The following CENPP variants were observed in gnomAD, a reference collection of about 807,000 sequenced individuals.
CENPP encodes the protein centromere protein P.
A neutral mutation model predicts 35.6 loss-of-function variants in CENPP; 24 were observed. The ratio of observed to expected loss-of-function variants is 0.67; its 90% CI spans 0.49 to 0.95. CENPP has a LOEUF of 0.95. Ranked by LOEUF, CENPP falls within the 40% of genes least tolerant of loss-of-function variation. The pLI, the probability that CENPP is intolerant of heterozygous loss-of-function variation, is 0.00. For missense variants in CENPP, 332 were observed against 345.3 expected (o/e 0.96, Z 0.31); for synonymous variants, 120 against 125.5 (o/e 0.96, Z 0.29).
intron 5 of CENPP, among the ~76,000 whole-genome samples, chr9:92,405,906 G>A (rs1843291005): frequency 6.6e-6 from 1 of 152,204 alleles, no homozygotes; most frequent in South Asian, 2.1e-4. Flanking sequence ...AGACACGTAA[G>A]CTCAGATAAG....
At chr9:92,503,083 C>T (rs375008684) in intron 5 of CENPP, among the ~76,000 whole-genome samples, 59 of 152,154 alleles carry the variant, frequency 3.9e-4, no homozygotes, top group African/African-American at 1.4e-3. Flanking sequence ...GCTGGAATTA[C>T]AGGAAAGTTG....
At chr9:92,488,037 C>A (rs1364034823) in intron 5 of CENPP, among the ~76,000 whole-genome samples, 3 of 152,158 alleles carry the variant, frequency 2.0e-5, no homozygotes, top group Admixed American at 1.3e-4. Flanking sequence ...GTATTCTGAG[C>A]ACATGTATCT....
intron 5 of CENPP, chr9:92,512,211 AAG>A (rs1847394109): frequency 3.8e-6 from 3 of 784,104 alleles, no homozygotes; most frequent in Non-Finnish European, 6.2e-6. Flanking sequence ...CATAGATATC[AAG>A]AGAGAGCTTT....
chr9:92,457,867 A>G (rs1446254747), intron 5 of CENPP, among the ~76,000 whole-genome samples: 1 of 152,188 alleles, frequency 6.6e-6, no homozygotes, highest in Non-Finnish European at 1.5e-5. Flanking sequence ...TTAAATATAC[A>G]TATTTATGTG....
At chr9:92,512,142 G>A (rs200699120) in intron 5 of CENPP, 1 of 1,592,202 alleles carries the variant, frequency 6.3e-7, no homozygotes, top group East Asian at 2.2e-5. Context: ...ACACACAGCG[G>A]TTATGTTTTA....
intron 5 of CENPP, chr9:92,416,904 G>A (rs1432459676): frequency 1.2e-6 from 2 of 1,613,874 alleles, no homozygotes; most frequent in Non-Finnish European, 1.7e-6. Context: ...TTACTGCAGA[G>A]GTTGAGCTGC....
intron 4 of CENPP, 139 bp from the exon 5 acceptor site, chr9:92,379,624 C>G (rs941924294): frequency 1.7e-6 from 1 of 586,120 alleles, no homozygotes; most frequent in African/African-American, 1.9e-5. Context: ...CACACACACA[C>G]AAGTGCAAGA....
At chr9:92,375,544 C>G (rs778870920) in intron 4 of CENPP, among the ~76,000 whole-genome samples, 1 of 152,132 alleles carries the variant, frequency 6.6e-6, no homozygotes, top group Non-Finnish European at 1.5e-5. Context: ...GATCCGCCCA[C>G]CTCGGCCTCC....
chr9:92,517,633 T>C (rs1333182164), intron 5 of CENPP: 2 of 1,603,012 alleles, frequency 1.2e-6, no homozygotes, highest in Admixed American at 1.7e-5. Flanking sequence ...CAAAAACAAA[T>C]GGAAGTTAAA....
intron 5 of CENPP, among the ~76,000 whole-genome samples, chr9:92,556,269 A>AT (rs1849722277): frequency 6.6e-6 from 1 of 151,998 alleles, no homozygotes; most frequent in Non-Finnish European, 1.5e-5. Context: ...TATAATTTCA[A>AT]TTTTTTTAAA....
chr9:92,327,159 G>A (rs1357740589), intron 1 of CENPP, among the ~76,000 whole-genome samples: 2 of 152,232 alleles, frequency 1.3e-5, no homozygotes, highest in South Asian at 2.1e-4. Flanking sequence ...AAAATACACT[G>A]CCCTAACAGA....
At chr9:92,331,488 A>G (rs1346464712) in intron 1 of CENPP, among the ~76,000 whole-genome samples, 1 of 152,174 alleles carries the variant, frequency 6.6e-6, no homozygotes, top group Non-Finnish European at 1.5e-5. Context: ...CCTATTTTTT[A>G]ATTTCAAGAC....
chr9:92,599,099 G>A (rs971997180), intron 5 of CENPP, among the ~76,000 whole-genome samples: 4 of 151,296 alleles, frequency 2.6e-5, no homozygotes, highest in Admixed American at 2.0e-4. Flanking sequence ...TCCACACCCA[G>A]AGTAAGACTC....
intron 5 of CENPP, among the ~76,000 whole-genome samples, chr9:92,407,705 C>G (rs1564304672): frequency 6.6e-6 from 1 of 152,116 alleles, no homozygotes; most frequent in Non-Finnish European, 1.5e-5. Flanking sequence ...TTTGTGGGCC[C>G]AAATGATCCT....
chr9:92,517,514 C>A (rs1588215765), intron 5 of CENPP: 8 of 823,528 alleles, frequency 9.7e-6, no homozygotes, highest in African/African-American at 3.5e-5. Context: ...TTATTTATAT[C>A]CCCTACCATA....
At chr9:92,414,617 G>A (rs541961625) in intron 5 of CENPP, 125 of 209,092 alleles carry the variant, frequency 6.0e-4, no homozygotes, top group African/African-American at 2.4e-3. Flanking sequence ...TATGTGGTGA[G>A]CTAGGGGGAT....
chr9:92,465,297 C>G (rs761338710), intron 5 of CENPP, among the ~76,000 whole-genome samples: 17 of 152,218 alleles, frequency 1.1e-4, no homozygotes, highest in Non-Finnish European at 2.1e-4. Context: ...CATTTTCACT[C>G]TCCTCCAACC....
At position 92,593,762 on chromosome 9, in the gene CENPP, A is replaced by G. The variant is rs533340029; in HGVS notation, c.565-17552A>G. Among the ~76,000 whole-genome samples, 54 of 152,344 alleles carry G rather than the reference A, an allele frequency of 3.5e-4. No homozygotes were observed. The highest frequency in any genetic ancestry group is 2.7e-3 in the South Asian group (13 of 4,830). ...TTATTTTGGGACCCAAATAAAAACT[A>G]TAAGTTTTTTTCTTTAAATTCTTTC... On this transcript the variant is annotated intron_variant, in intron 5 of 7. Transcript: ENST00000375587. The surrounding 1 kb of genome is among the most constrained non-coding windows in gnomAD (Gnocchi z 4.1).
intron 5 of CENPP, among the ~76,000 whole-genome samples, chr9:92,451,658 G>A (rs528462653): frequency 9.9e-4 from 150 of 151,866 alleles, no homozygotes; most frequent in African/African-American, 3.4e-3. Context: ...GCTTGATGGG[G>A]ATGGCATTGA....
Sources: gnomAD v4.1 joint callset for allele counts (sites outside exome capture counted in the v4.1 genomes callset) on GRCh38, gnomAD v4.1.1 for gene constraint, Gnocchi (gnomAD v3.1) non-coding constraint, MANE v1.5 for transcripts, NCBI Gene and HGNC (gene_info 2026-07-23, HGNC 2026-07-21) for gene names.